VEGFD: variants seen among roughly 807,000 people sequenced by gnomAD.
VEGFD encodes the protein vascular endothelial growth factor D.
VEGFD carries 26 observed loss-of-function variants against 28.0 expected under a neutral mutation model. The observed-to-expected ratio is 0.93, with a 90% confidence interval of 0.68 to 1.29. The LOEUF is 1.29. VEGFD is among the 50% of genes most tolerant of loss of function. The pLI is 0.00. For synonymous variants in VEGFD, 93 were observed against 95.5 expected, an observed-to-expected ratio of 0.97 and a Z score of 0.15; for missense variants, 294 against 273.4, an observed-to-expected ratio of 1.08 and a Z score of -0.53.
intron 1 of VEGFD, among the ~76,000 whole-genome samples, chrX:15,369,423 T>A (rs1488982194): frequency 9.1e-6 from 1 of 109,732 alleles, no homozygotes; most frequent in Non-Finnish European, 1.9e-5. Context: ...ATCTGGCAAA[T>A]AAGTTAGGAA....
rs377695936 is a variant in VEGFD, at chrX:15,346,036, AT to A, written c.*96del. The A allele has an allele frequency of 6.5e-3, 6,002 of 927,383 alleles. 25 individuals are homozygous for A. Among genetic ancestry groups the A allele is most frequent in the African/African-American group, 0.031 (1,550 of 49,719 alleles). The allele number at this position is 927,383 out of a possible 1,213,427, so 76.4% of individuals were successfully genotyped here. ...TTCACTGTGGTGCTGTGTAAAATGG[AT>A]TTTTTTTTTAACACCTGGGAAAAAA... On this transcript the variant is annotated 3_prime_UTR_variant, in exon 7 of 7. Coordinates refer to ENST00000297904, the MANE Select transcript of VEGFD (RefSeq NM_004469.5).
At chrX:15,361,844 CTTTGTTTTTTTGT>C (rs1443357390) in intron 2 of VEGFD, among the ~76,000 whole-genome samples, 3 of 109,601 alleles carry the variant, frequency 2.7e-5, no homozygotes, top group Non-Finnish European at 5.7e-5. Context: ...TTCTTTCTTT[CTTTGTTTTTTTGT>C]TTTGTTTTGT....
intron 2 of VEGFD, among the ~76,000 whole-genome samples, chrX:15,360,326 T>A (rs1054271827): frequency 2.8e-5 from 3 of 109,025 alleles, no homozygotes; most frequent in Non-Finnish European, 1.9e-5. Context: ...TAATAAAACA[T>A]TCTATCCTGA....
intron 1 of VEGFD, among the ~76,000 whole-genome samples, chrX:15,379,497 T>C (rs1923516432): frequency 1.8e-5 from 2 of 111,817 alleles, no homozygotes; most frequent in Admixed American, 1.9e-4. Flanking sequence ...CCTAGTGTCT[T>C]GGTAGGGACT....
chrX:15,348,404 C>A (rs909247857), intron 5 of VEGFD, among the ~76,000 whole-genome samples: 1 of 112,443 alleles, frequency 8.9e-6, no homozygotes, highest in African/African-American at 3.2e-5. Flanking sequence ...AAATGCAAAC[C>A]AAATCACTTC....
intron 1 of VEGFD, among the ~76,000 whole-genome samples, chrX:15,363,944 G>A (rs1160401030): frequency 8.9e-6 from 1 of 112,169 alleles, no homozygotes; most frequent in South Asian, 3.7e-4. Flanking sequence ...CTGGACTCTG[G>A]AGCTGTGAGA....
rs1382792895 is a variant in VEGFD at position 15,372,607 on chromosome X, CCAGGTGTTAG to C, written c.91-9298_91-9289del. ...TCAGGATTTTTTAAAAAAAAACTTC[CCAGGTGTTAG>C]CCTTAGAGGAAGATAGGTGAGGGCT... On this transcript the variant is annotated intron_variant, in intron 1 of 6. Coordinates refer to ENST00000297904, the MANE Select transcript of VEGFD (RefSeq NM_004469.5). Among the ~76,000 whole-genome samples, 2 of 110,724 alleles carry C rather than the reference CCAGGTGTTAG, an allele frequency of 1.8e-5. 1 individual carries two copies. Among genetic ancestry groups the C allele is most frequent in the Non-Finnish European group, 3.8e-5 (2 of 52,926 alleles).
chrX:15,375,424 G>A (rs1923414620), intron 1 of VEGFD, among the ~76,000 whole-genome samples: 1 of 111,798 alleles, frequency 8.9e-6, no homozygotes, highest in Non-Finnish European at 1.9e-5. Flanking sequence ...CAGGGAGAAC[G>A]CACACTTGCT....
Position 15,369,217 on chromosome X carries a change from C to T in VEGFD, c.91-5898G>A, listed in dbSNP as rs146258704. On this transcript the variant is annotated intron_variant, in intron 1 of 6. Coordinates refer to ENST00000297904, the MANE Select transcript of VEGFD (RefSeq NM_004469.5). ...GTGTCCCACGTTGTGAGGAAGTCAA[C>T]GGCCTTCTGTACTCCTACCAATTTC... Among the ~76,000 whole-genome samples, 425 of 111,238 alleles carry T rather than the reference C, an allele frequency of 3.8e-3. 2 individuals carry two copies. Among genetic ancestry groups the T allele is most frequent in the Admixed American group, 0.028 (297 of 10,487 alleles).
chrX:15,381,288 G>C (rs1383555823), intron 1 of VEGFD, among the ~76,000 whole-genome samples: 2 of 110,919 alleles, frequency 1.8e-5, no homozygotes, highest in African/African-American at 6.6e-5. Flanking sequence ...CAGATACCTA[G>C]AACTATCGTA....
At chrX:15,373,524 A>C (rs1255235787) in intron 1 of VEGFD, among the ~76,000 whole-genome samples, 5 of 112,131 alleles carry the variant, frequency 4.5e-5, no homozygotes, top group Non-Finnish European at 9.4e-5. Flanking sequence ...GCTTGGTGAT[A>C]AAACGGTGTG....
chrX:15,352,327 T>A (rs999643659), intron 5 of VEGFD, among the ~76,000 whole-genome samples: 27 of 110,639 alleles, frequency 2.4e-4, no homozygotes, highest in Admixed American at 2.2e-3. Context: ...TTTCTTTTTT[T>A]TTTTTGGTGG....
intron 2 of VEGFD, among the ~76,000 whole-genome samples, chrX:15,359,362 CTTTTTT>C (rs1171408211): frequency 1.1e-4 from 7 of 62,877 alleles, no homozygotes; most frequent in Middle Eastern, 0.011. Flanking sequence ...CACTTGCAGG[CTTTTTT>C]TTTTTTTTTT....
chrX:15,346,939 A>G (rs1044093745), intron 6 of VEGFD, among the ~76,000 whole-genome samples: 15 of 110,866 alleles, frequency 1.4e-4, no homozygotes, highest in African/African-American at 4.9e-4. Flanking sequence ...AAAAAAAAAA[A>G]GCTCTACACA....
rs1393009912 is a variant in VEGFD at position 15,364,960 on chromosome X, G to T, written c.91-1641C>A. Among the ~76,000 whole-genome samples, 3 of 111,593 alleles carry T rather than the reference G, an allele frequency of 2.7e-5. No individual in the cohort carries two copies. The Admixed American group carries it at 2.8e-4, about 11-fold the overall frequency. ...GGACACTGAGAGTTGTCCAAAAATGGGTACTCAGAAGAGCAAGTGTGGTCT... is the reference window on the plus strand; with the variant it reads ...GGACACTGAGAGTTGTCCAAAAATGTGTACTCAGAAGAGCAAGTGTGGTCT... On this transcript the variant is annotated intron_variant, in intron 1 of 6. Coordinates refer to ENST00000297904, the MANE Select transcript of VEGFD (RefSeq NM_004469.5).
At chrX:15,362,978 C>A in intron 2 of VEGFD, 131 bp downstream of exon 2, 1 of 508,550 alleles carries the variant, frequency 2.0e-6, no homozygotes, top group Non-Finnish European at 3.3e-6. Flanking sequence ...TGCACTAATA[C>A]TGGAAATCAA....
At chrX:15,364,464 A>G (rs746392597) in intron 1 of VEGFD, among the ~76,000 whole-genome samples, 1 of 112,130 alleles carries the variant, frequency 8.9e-6, no homozygotes, top group Non-Finnish European at 1.9e-5. Context: ...TTATATAAAT[A>G]ATGATATATG....
intron 5 of VEGFD, among the ~76,000 whole-genome samples, chrX:15,348,071 A>T: frequency 8.9e-6 from 1 of 111,939 alleles, no homozygotes; most frequent in Non-Finnish European, 1.9e-5. Context: ...CTTTGGAAGA[A>T]CTTGACTCTG....
At chrX:15,380,957 C>A (rs146461304) in intron 1 of VEGFD, among the ~76,000 whole-genome samples, 1 of 112,101 alleles carries the variant, frequency 8.9e-6, no homozygotes, top group East Asian at 2.8e-4. Flanking sequence ...ACATCTAGGC[C>A]GTAATCTGAT....
Sources: allele counts gnomAD v4.1 joint callset (sites outside exome capture counted in the v4.1 genomes callset), GRCh38; gene constraint gnomAD v4.1.1; transcripts MANE v1.5; gene names NCBI Gene and HGNC (gene_info 2026-07-23, HGNC 2026-07-21).